The following BCAT1 variants were observed in gnomAD, a reference collection of about 807,000 sequenced individuals.
BCAT1 encodes the protein branched chain amino acid transaminase 1, also known as branched-chain-amino-acid aminotransferase, cytosolic.
BCAT1 carries 48 observed loss-of-function variants against 52.4 expected under a neutral mutation model. The ratio of observed to expected loss-of-function variants is 0.92; its 90% CI spans 0.73 to 1.16. The LOEUF (loss-of-function observed/expected upper bound fraction) is 1.16. Ranked by LOEUF, BCAT1 falls within the 50% of genes most tolerant of loss-of-function variation. The pLI is 0.00. For missense variants in BCAT1, 451 were observed against 457.1 expected, an observed-to-expected ratio of 0.99 and a Z score of 0.12; for synonymous variants, 167 against 161.3, an observed-to-expected ratio of 1.04 and a Z score of -0.27.
At chr12:24,836,639 T>G (rs748057358) in intron 7 of BCAT1, 43 bp from the exon 8 acceptor site, 38 of 1,477,178 alleles carry the variant, frequency 2.6e-5, no homozygotes, top group Admixed American at 5.5e-5. Context: ...TTCACTACAT[T>G]AGGCATGCCT....
At chr12:24,943,719 T>A (rs1469070281) in intron 1 of BCAT1, among the ~76,000 whole-genome samples, 2 of 152,016 alleles carry the variant, frequency 1.3e-5, no homozygotes, top group East Asian at 1.9e-4. Context: ...GAGCGGTGGC[T>A]CACGCCTGTA....
intron 7 of BCAT1, among the ~76,000 whole-genome samples, chr12:24,837,416 C>T (rs541958974): frequency 7.9e-5 from 12 of 151,208 alleles, no homozygotes; most frequent in South Asian, 2.1e-4. Flanking sequence ...ACTGCTTCCA[C>T]GCTGCCCTTG....
At chr12:24,856,956 G>A (rs1162375691) in intron 5 of BCAT1, among the ~76,000 whole-genome samples, 1 of 152,162 alleles carries the variant, frequency 6.6e-6, no homozygotes, top group Non-Finnish European at 1.5e-5. Context: ...TCCAGAGGGT[G>A]TGAATTTTGG....
chr12:24,883,289 C>G (rs1403592214), intron 3 of BCAT1, among the ~76,000 whole-genome samples: 2 of 152,040 alleles, frequency 1.3e-5, no homozygotes, highest in African/African-American at 4.8e-5. Flanking sequence ...TCCTAAGGTT[C>G]AATTTAAACT....
At chr12:24,860,460 G>A (rs1235914662) in intron 5 of BCAT1, among the ~76,000 whole-genome samples, 7 of 152,004 alleles carry the variant, frequency 4.6e-5, no homozygotes, top group Non-Finnish European at 8.8e-5. Context: ...AGAAAACTTT[G>A]GAGCATATTT....
At chr12:24,913,232 G>A (rs1215924821) in intron 1 of BCAT1, among the ~76,000 whole-genome samples, 1 of 152,160 alleles carries the variant, frequency 6.6e-6, no homozygotes, top group African/African-American at 2.4e-5. Flanking sequence ...TACAATTACA[G>A]ATTATCAAGT....
intron 6 of BCAT1, among the ~76,000 whole-genome samples, chr12:24,846,430 GA>G (rs1941347336): frequency 6.6e-6 from 1 of 152,106 alleles, no homozygotes; most frequent in South Asian, 2.1e-4. Flanking sequence ...GTTCTTGGAG[GA>G]AACAGAAAAA....
chr12:24,826,872 C>T (rs1940421666), intron 10 of BCAT1, among the ~76,000 whole-genome samples: 1 of 151,840 alleles, frequency 6.6e-6, no homozygotes, highest in African/African-American at 2.4e-5. Flanking sequence ...AGATTGATTC[C>T]TAGGTATTTT....
chr12:24,931,423 C>T (rs373749028), intron 1 of BCAT1, among the ~76,000 whole-genome samples: 53 of 151,862 alleles, frequency 3.5e-4, no homozygotes, highest in African/African-American at 1.2e-3. Flanking sequence ...GCAGAGGAGA[C>T]GAAATCATCA....
At chr12:24,829,308 C>T (rs1477092214) in intron 10 of BCAT1, among the ~76,000 whole-genome samples, 3 of 152,048 alleles carry the variant, frequency 2.0e-5, no homozygotes, top group East Asian at 3.9e-4. Context: ...TGCTTGAACC[C>T]GGGAGGCAGA....
intron 3 of BCAT1, among the ~76,000 whole-genome samples, chr12:24,883,253 T>A (rs561161026): frequency 6.6e-6 from 1 of 152,178 alleles, no homozygotes; most frequent in African/African-American, 2.4e-5. Flanking sequence ...GCTGCTGCAC[T>A]CCAGCCTGGT....
At chr12:24,877,289 G>A (rs150304815) in intron 5 of BCAT1, among the ~76,000 whole-genome samples, 35 of 152,260 alleles carry the variant, frequency 2.3e-4, no homozygotes, top group Middle Eastern at 3.4e-3. Flanking sequence ...ATCTCCATAT[G>A]TTCCCTATCT....
intron 1 of BCAT1, chr12:24,903,018 A>G: frequency 5.6e-6 from 8 of 1,424,812 alleles, no homozygotes; most frequent in Non-Finnish European, 6.4e-6. Flanking sequence ...GGGGCTGCAG[A>G]GAGCGGCAGT....
rs559177038 is a variant in BCAT1, at chr12:24,856,546, A to G, written c.511-6597T>C. ...CCTTATAAGAAGAGGAAAAGACACC[A>G]GAGATAGCTCCCTTGGCCAGATAGA... On this transcript the variant is annotated intron_variant, in intron 5 of 10. Transcript: ENST00000261192. Among the ~76,000 whole-genome samples the G allele has an allele frequency of 2.0e-5, 3 of 152,284 alleles. No homozygotes were observed. In the South Asian group the frequency reaches 6.2e-4, roughly 32 times the overall value.
At chr12:24,859,564 TGA>T (rs1565467663) in intron 5 of BCAT1, among the ~76,000 whole-genome samples, 1 of 134,796 alleles carries the variant, frequency 7.4e-6, no homozygotes, top group East Asian at 2.1e-4. Context: ...GAGCTTGCAG[TGA>T]GCCGAGATGG....
chr12:24,914,456 A>C (rs1386546982), intron 1 of BCAT1, among the ~76,000 whole-genome samples: 1 of 152,196 alleles, frequency 6.6e-6, no homozygotes, highest in African/African-American at 2.4e-5. Context: ...AACGGTTAAC[A>C]GTTATATCTC....
intron 4 of BCAT1, among the ~76,000 whole-genome samples, chr12:24,880,849 T>TTG (rs891759205): frequency 4.9e-5 from 7 of 144,250 alleles, no homozygotes; most frequent in South Asian, 2.3e-4. Context: ...TTTTTGTTTT[T>TTG]TTTTTTTACA....
chr12:24,827,820 T>G (rs1282330392), intron 10 of BCAT1, among the ~76,000 whole-genome samples: 4 of 152,146 alleles, frequency 2.6e-5, no homozygotes, highest in Admixed American at 1.3e-4. Context: ...AAAAACACAC[T>G]TTCTTTCTTT....
At chr12:24,836,664 A>G (rs1940938220) in intron 7 of BCAT1, 68 bp from the exon 8 acceptor site, 1 of 1,297,898 alleles carries the variant, frequency 7.7e-7, no homozygotes. Flanking sequence ...ATCAATAGCC[A>G]TTTTTTTAAA....
Sources: gnomAD v4.1 joint callset for allele counts (sites outside exome capture counted in the v4.1 genomes callset) on GRCh38, gnomAD v4.1.1 for gene constraint, MANE v1.5 for transcripts, NCBI Gene and HGNC (gene_info 2026-07-23, HGNC 2026-07-21) for gene names.